The following KCNAB1 variants were observed in gnomAD, a reference collection of about 807,000 sequenced individuals.
KCNAB1 encodes voltage-gated potassium channel subunit beta-1.
Under a neutral mutation model 64.6 loss-of-function variants are expected in KCNAB1, and 35 were observed. The ratio of observed to expected loss-of-function variants is 0.54; its 90% CI spans 0.41 to 0.72. The LOEUF (loss-of-function observed/expected upper bound fraction) is 0.72, where lower values mean the gene tolerates loss of function less well. KCNAB1 is among the 30% of genes least tolerant of loss of function. The pLI is 0.00. For synonymous variants in KCNAB1, 177 were observed against 183.8 expected, an observed-to-expected ratio of 0.96 and a Z score of 0.30; for missense variants, 401 against 512.9, an observed-to-expected ratio of 0.78 and a Z score of 2.11.
At chr3:156,168,215 C>A (rs981661272) in intron 1 of KCNAB1, among the ~76,000 whole-genome samples, 2 of 151,714 alleles carry the variant, frequency 1.3e-5, no homozygotes, top group African/African-American at 4.8e-5. Context: ...CCCCAACCGC[C>A]CCCCAAAAAA....
At chr3:156,275,228 C>T (rs1719267609) in intron 1 of KCNAB1, among the ~76,000 whole-genome samples, 1 of 152,308 alleles carries the variant, frequency 6.6e-6, no homozygotes, top group African/African-American at 2.4e-5. Flanking sequence ...TTACATTACA[C>T]TGTGTTCATA....
intron 1 of KCNAB1, among the ~76,000 whole-genome samples, chr3:156,226,939 A>G (rs1716216536): frequency 6.6e-6 from 1 of 152,358 alleles, no homozygotes; most frequent in Non-Finnish European, 1.5e-5. Context: ...GGACTATGAC[A>G]CAGACATAAG....
intron 12 of KCNAB1, among the ~76,000 whole-genome samples, chr3:156,531,170 T>C (rs1718676871): frequency 6.6e-6 from 1 of 152,172 alleles, no homozygotes; most frequent in Admixed American, 6.5e-5. Flanking sequence ...TTACAATCCA[T>C]TGTCCAGCGC....
intron 1 of KCNAB1, among the ~76,000 whole-genome samples, chr3:156,227,529 T>C (rs1309945765): frequency 6.6e-6 from 1 of 152,232 alleles, no homozygotes; most frequent in Non-Finnish European, 1.5e-5. Flanking sequence ...CAAATTAGTA[T>C]ACGATTCTCT....
At position 156,143,120 on chromosome 3, in the gene KCNAB1, C is replaced by T; in HGVS notation, c.275+22234C>T. 4.0e-6 allele frequency: 6 copies of T among 1,500,188 alleles called. No individual in the cohort carries two copies. In the South Asian group the frequency reaches 8.5e-5, roughly 21 times the overall value. The allele number at this position is 1,500,188 out of a possible 1,614,324, so 92.9% of individuals were successfully genotyped here. A position where few individuals can be genotyped will look rare whatever the true frequency, so the allele number is the denominator to read the frequency against. On this transcript the variant is annotated intron_variant, in intron 1 of 13. Coordinates refer to ENST00000490337, the MANE Select transcript of KCNAB1 (RefSeq NM_172160.3). ...AACCCAAGGTATTCACAGCAAGATA[C>T]AGTGAGTCTTAAAGTTAAGCACCGT...
At chr3:156,125,553 T>A (rs1159652275) in intron 1 of KCNAB1, among the ~76,000 whole-genome samples, 2 of 152,222 alleles carry the variant, frequency 1.3e-5, no homozygotes, top group Non-Finnish European at 2.9e-5. Context: ...GAACATTTAG[T>A]AGGGCAAACT....
At chr3:156,126,630 A>G (rs1713670279) in intron 1 of KCNAB1, among the ~76,000 whole-genome samples, 1 of 152,206 alleles carries the variant, frequency 6.6e-6, no homozygotes, top group South Asian at 2.1e-4. Context: ...CAGCAGTACC[A>G]CTTACTAGCC....
intron 1 of KCNAB1, among the ~76,000 whole-genome samples, chr3:156,123,532 G>T (rs1234985888): frequency 6.6e-6 from 1 of 152,210 alleles, no homozygotes; most frequent in African/African-American, 2.4e-5. Flanking sequence ...AAGTAAAATT[G>T]CAGGCAGCAG....
intron 2 of KCNAB1, among the ~76,000 whole-genome samples, chr3:156,430,236 C>T (rs1335628794): frequency 2.6e-5 from 4 of 152,138 alleles, no homozygotes; most frequent in South Asian, 4.1e-4. Flanking sequence ...ATATTTCACA[C>T]GCTGTCAGAG....
chr3:156,228,793 C>T lies in KCNAB1; in HGVS notation c.275+107907C>T, dbSNP rs1576626753. Among the ~76,000 whole-genome samples the T allele has an allele frequency of 2.6e-5, 4 of 152,358 alleles. No homozygotes were observed. The South Asian group carries it at 8.3e-4, about 32-fold the overall frequency. On this transcript the variant is annotated intron_variant, in intron 1 of 13. Coordinates refer to ENST00000490337, the MANE Select transcript of KCNAB1 (RefSeq NM_172160.3). ...ATGTGATTCTCAGGATTGCTCTCCT[C>T]TTCTGACCACCCTATTTCTCCTTCC...
intron 1 of KCNAB1, among the ~76,000 whole-genome samples, chr3:156,313,721 A>G (rs1356783229): frequency 6.6e-6 from 1 of 152,198 alleles, no homozygotes; most frequent in Non-Finnish European, 1.5e-5. Context: ...GCTCTCCACA[A>G]CTGGAAGAAA....
chr3:156,291,346 C>G, intron 1 of KCNAB1: 3 of 992,438 alleles, frequency 3.0e-6, no homozygotes, highest in Non-Finnish European at 2.4e-6. Context: ...ATGGAGACCA[C>G]CAGTCCGAGG....
chr3:156,149,513 C>T (rs1012892110), intron 1 of KCNAB1, among the ~76,000 whole-genome samples: 5 of 152,054 alleles, frequency 3.3e-5, no homozygotes, highest in Non-Finnish European at 7.4e-5. Context: ...ACAAAGACTC[C>T]AGAGATAAGT....
intron 2 of KCNAB1, among the ~76,000 whole-genome samples, chr3:156,438,619 T>C (rs1716755745): frequency 6.6e-6 from 1 of 152,222 alleles, no homozygotes; most frequent in Non-Finnish European, 1.5e-5. Context: ...ATAAGGAAAG[T>C]AGCATTTAGT....
intron 8 of KCNAB1, among the ~76,000 whole-genome samples, chr3:156,509,595 C>G (rs1399922669): frequency 6.6e-6 from 1 of 152,170 alleles, no homozygotes; most frequent in Non-Finnish European, 1.5e-5. Flanking sequence ...GTAAAGCCCC[C>G]ACTCCAGGTG....
intron 12 of KCNAB1, among the ~76,000 whole-genome samples, chr3:156,527,248 A>T (rs2108416770): frequency 6.6e-6 from 1 of 152,340 alleles, no homozygotes; most frequent in Non-Finnish European, 1.5e-5. Flanking sequence ...AAGTTACTTA[A>T]CCTGGTAACA....
chr3:156,283,847 T>A (rs1719903476), intron 1 of KCNAB1, among the ~76,000 whole-genome samples: 1 of 152,068 alleles, frequency 6.6e-6, no homozygotes. Flanking sequence ...CTGTATTGTT[T>A]ATTCTAGTTA....
intron 1 of KCNAB1, chr3:156,143,569 G>GTTTTTTTTTTTTTTTTTTTTTTTT (rs56216211): frequency 2.1e-5 from 6 of 281,594 alleles, no homozygotes; most frequent in African/African-American, 1.2e-4. Flanking sequence ...TTGCATTCTT[G>GTTTTTTTTTTTTTTTTTTTTTTTT]TTTTTTTTTT....
At chr3:156,166,658 A>G (rs1711589641) in intron 1 of KCNAB1, among the ~76,000 whole-genome samples, 1 of 151,948 alleles carries the variant, frequency 6.6e-6, no homozygotes, top group Non-Finnish European at 1.5e-5. Context: ...GCATTTCCAG[A>G]TTTCATTTGC....
Sources: allele counts gnomAD v4.1 joint callset (sites outside exome capture counted in the v4.1 genomes callset), GRCh38; gene constraint gnomAD v4.1.1; transcripts MANE v1.5; gene names NCBI Gene and HGNC (gene_info 2026-07-23, HGNC 2026-07-21).